Variants in FBXO34 observed in about 807,000 individuals in gnomAD.
FBXO34 encodes F-box only protein 34.
A neutral mutation model predicts 24.5 loss-of-function variants in FBXO34; 12 were observed. The ratio of observed to expected loss-of-function variants is 0.49; its 90% CI spans 0.31 to 0.79. The LOEUF (loss-of-function observed/expected upper bound fraction) is 0.79. Among genes scored for constraint, FBXO34 ranks in the 30% least tolerant of loss-of-function variants. The probability of loss-of-function intolerance (pLI) is 0.04; values close to 1 mark genes in which losing one functional copy is unlikely to be tolerated. For synonymous variants in FBXO34, 320 were observed against 311.9 expected, an observed-to-expected ratio of 1.03 and a Z score of -0.27; for missense variants, 823 against 857.7, an observed-to-expected ratio of 0.96 and a Z score of 0.51.
At chr14:55,440,448 A>G in the FBXO34 span, 1 of 1,585,734 alleles carries the variant, frequency 6.3e-7, no homozygotes, top group East Asian at 2.3e-5. Context: ...CTCCTGCTCC[A>G]TGGACCGTAA....
At chr14:55,277,668 A>G (rs1448546720) in intron 1 of FBXO34, among the ~76,000 whole-genome samples, 1 of 152,126 alleles carries the variant, frequency 6.6e-6, no homozygotes, top group Non-Finnish European at 1.5e-5. Context: ...TAGGTATCTG[A>G]AGAGAGATAA....
intron 1 of FBXO34, among the ~76,000 whole-genome samples, chr14:55,315,053 G>A (rs1268894408): frequency 6.6e-6 from 1 of 151,970 alleles, no homozygotes; most frequent in East Asian, 1.9e-4. Flanking sequence ...GAATGTTTTT[G>A]TCCCCCCATT....
chr14:55,358,515 C>G (rs1884551963), downstream of FBXO34, among the ~76,000 whole-genome samples: 1 of 152,146 alleles, frequency 6.6e-6, no homozygotes, highest in Admixed American at 6.5e-5. Flanking sequence ...GTCTGGAGGA[C>G]AAAGCTGGGG....
the FBXO34 span, chr14:55,411,724 C>T: frequency 5.6e-6 from 9 of 1,612,144 alleles, no homozygotes; most frequent in Admixed American, 3.3e-5. Flanking sequence ...ACAGCCCCTC[C>T]GCATCGTCCA....
the FBXO34 span, among the ~76,000 whole-genome samples, chr14:55,393,762 A>G: frequency 6.6e-6 from 1 of 151,980 alleles, no homozygotes; most frequent in South Asian, 2.1e-4. Context: ...CATGTTTCCC[A>G]GGCTGGTTTT....
At chr14:55,410,637 C>T in the FBXO34 span, among the ~76,000 whole-genome samples, 2 of 152,210 alleles carry the variant, frequency 1.3e-5, no homozygotes, top group African/African-American at 2.4e-5. Context: ...TGGTTAAGTG[C>T]GGGTACATAG....
At chr14:55,396,739 ATC>A in the FBXO34 span, among the ~76,000 whole-genome samples, 1 of 152,210 alleles carries the variant, frequency 6.6e-6, no homozygotes, top group Non-Finnish European at 1.5e-5. Flanking sequence ...TCTAGGGTGC[ATC>A]TAGGGAGCAG....
At chr14:55,420,725 G>T in the FBXO34 span, among the ~76,000 whole-genome samples, 1 of 134,824 alleles carries the variant, frequency 7.4e-6, no homozygotes, top group East Asian at 2.0e-4. Flanking sequence ...CTTTACTTCT[G>T]TGATTTGAAA....
downstream of FBXO34, among the ~76,000 whole-genome samples, chr14:55,365,235 A>C (rs899193066): frequency 1.3e-5 from 2 of 150,300 alleles, no homozygotes; most frequent in South Asian, 2.1e-4. Flanking sequence ...CAAAAAAAAA[A>C]AAAAAAAAAA....
chr14:55,339,384 C>CG (rs951867014), intron 1 of FBXO34: 4 of 141,334 alleles, frequency 2.8e-5, no homozygotes, highest in South Asian at 2.6e-4. Flanking sequence ...ACCTGCCCCC[C>CG]CCCCCAATCC....
chr14:55,318,055 G>T (rs1594748106), intron 1 of FBXO34: 1 of 151,926 alleles, frequency 6.6e-6, no homozygotes, highest in East Asian at 1.9e-4. Context: ...CTTACCTTAG[G>T]GTTTGGCTTT....
At chr14:55,341,591 G>A (rs926282712) in intron 1 of FBXO34, among the ~76,000 whole-genome samples, 6 of 152,186 alleles carry the variant, frequency 3.9e-5, no homozygotes, top group Non-Finnish European at 7.4e-5. Flanking sequence ...CCGAATATCT[G>A]AAAATCCTTG....
chr14:55,440,832 A>T, the FBXO34 span, among the ~76,000 whole-genome samples: 8,992 of 151,846 alleles, frequency 0.059, 336 homozygotes, highest in Non-Finnish European at 0.086. Flanking sequence ...TCTCGGTGCA[A>T]GTGCATGGAA....
At chr14:55,345,737 C>T (rs1884139282) in intron 1 of FBXO34, among the ~76,000 whole-genome samples, 1 of 152,198 alleles carries the variant, frequency 6.6e-6, no homozygotes. Context: ...TGTGGTGGCT[C>T]ACTCCTGTAA....
At chr14:55,306,602 G>C (rs917343184) in intron 1 of FBXO34, among the ~76,000 whole-genome samples, 1 of 152,218 alleles carries the variant, frequency 6.6e-6, no homozygotes, top group African/African-American at 2.4e-5. Context: ...AGGAGGCCGA[G>C]GGGGCAGATC....
chr14:55,314,601 T>C (rs1414110913), intron 1 of FBXO34, among the ~76,000 whole-genome samples: 1 of 152,196 alleles, frequency 6.6e-6, no homozygotes, highest in Non-Finnish European at 1.5e-5. Context: ...CAGACAGTAG[T>C]AACAGGTATG....
At position 55,318,410 on chromosome 14, in the gene FBXO34, A is replaced by G. The variant is rs866866630; in HGVS notation, c.-10-31971A>G. 43 of 19,232 alleles carry G rather than the reference A, an allele frequency of 2.2e-3. 1 individual carries two copies. Among genetic ancestry groups the G allele is most frequent in the African/African-American group, 6.1e-3 (27 of 4,462 alleles). 1.2% of individuals were successfully genotyped at this position (19,232 alleles called of 1,614,324 possible). ...TATATATATATATATATATATATATATGCAGTCAGTAACTTTTTTTTTTTT... is the reference window on the plus strand; with the variant it reads ...TATATATATATATATATATATATATGTGCAGTCAGTAACTTTTTTTTTTTT... On this transcript the variant is annotated intron_variant, in intron 1 of 1. Coordinates refer to ENST00000313833, the MANE Select transcript of FBXO34 (RefSeq NM_017943.4).
intron 1 of FBXO34, among the ~76,000 whole-genome samples, chr14:55,308,779 CTT>C (rs1183802351): frequency 3.9e-5 from 6 of 152,192 alleles, no homozygotes; most frequent in South Asian, 2.1e-4. Flanking sequence ...CTCAGTACCT[CTT>C]TAAATGCTTG....
At chr14:55,437,213 A>AC in the FBXO34 span, among the ~76,000 whole-genome samples, 9,014 of 152,362 alleles carry the variant, frequency 0.059, 341 homozygotes, top group Non-Finnish European at 0.086. Flanking sequence ...GTGGTAGCTC[A>AC]CGCCTGTAAT....
Sources: gnomAD v4.1 joint callset for allele counts (sites outside exome capture counted in the v4.1 genomes callset) on GRCh38, gnomAD v4.1.1 for gene constraint, MANE v1.5 for transcripts, NCBI Gene and HGNC (gene_info 2026-07-23, HGNC 2026-07-21) for gene names.